Variants in SLC36A1 observed in about 807,000 individuals in gnomAD.
SLC36A1 encodes proton-coupled amino acid transporter 1.
In SLC36A1, 30 loss-of-function variants were observed where a neutral mutation model predicts 47.5. The ratio of observed to expected loss-of-function variants is 0.63; its 90% CI spans 0.47 to 0.86. The LOEUF is 0.86. SLC36A1 is among the 40% of genes least tolerant of loss of function. The pLI is 0.00. For synonymous variants in SLC36A1, 255 were observed against 249.7 expected (o/e 1.02, Z -0.20); for missense variants, 517 against 606.0 (o/e 0.85, Z 1.54).
At chr5:151,358,563 G>A in the SLC36A1 span, among the ~76,000 whole-genome samples, 12 of 152,144 alleles carry the variant, frequency 7.9e-5, no homozygotes, top group Non-Finnish European at 1.6e-4. Context: ...CTCATCTGGT[G>A]CTTGTTGTAC....
At chr5:151,498,464 A>G in the SLC36A1 span, among the ~76,000 whole-genome samples, 1 of 152,222 alleles carries the variant, frequency 6.6e-6, no homozygotes. Context: ...CCACTTTGCA[A>G]ACTAGGCATA....
chr5:151,508,565 C>G, the SLC36A1 span, among the ~76,000 whole-genome samples: 7 of 152,130 alleles, frequency 4.6e-5, no homozygotes, highest in Non-Finnish European at 1.0e-4. Flanking sequence ...CAAAAATTAG[C>G]CAGGTGTTAT....
the SLC36A1 span, among the ~76,000 whole-genome samples, chr5:151,542,037 G>T: frequency 6.6e-6 from 1 of 152,148 alleles, no homozygotes; most frequent in Non-Finnish European, 1.5e-5. Flanking sequence ...CATACTTTTT[G>T]CAAAGCACTT....
the SLC36A1 span, among the ~76,000 whole-genome samples, chr5:151,424,421 G>A: frequency 6.6e-6 from 1 of 152,168 alleles, no homozygotes; most frequent in Non-Finnish European, 1.5e-5. Flanking sequence ...TAAGAAGGTA[G>A]GAAGGGAAGA....
At chr5:151,368,601 AACCACCTTCTT>A in the SLC36A1 span, among the ~76,000 whole-genome samples, 1 of 152,134 alleles carries the variant, frequency 6.6e-6, no homozygotes, top group Non-Finnish European at 1.5e-5. Context: ...TTGTGTCCTG[AACCACCTTCTT>A]ACCCTAGCTG....
Position 151,488,327 on chromosome 5 carries a change from G to A in SLC36A1, c.*73G>A, listed in dbSNP as rs1332430781. The A allele has an allele frequency of 1.9e-6, 3 of 1,552,236 alleles. No individual in the cohort carries two copies. In the Admixed American group the frequency reaches 5.4e-5, roughly 28 times the overall value. Reference sequence around the variant, plus strand: ...CCCGTTACCTGTCCTCAGAGCCTCAGGTATGGTCCAGGCTCTGAGGAAAGT... The same window carrying A: ...CCCGTTACCTGTCCTCAGAGCCTCAAGTATGGTCCAGGCTCTGAGGAAAGT... On this transcript the variant is annotated 3_prime_UTR_variant, in exon 11 of 11. Coordinates refer to ENST00000243389, the MANE Select transcript of SLC36A1 (RefSeq NM_078483.4).
the SLC36A1 span, among the ~76,000 whole-genome samples, chr5:151,351,676 G>A: frequency 2.0e-5 from 3 of 152,088 alleles, no homozygotes; most frequent in Non-Finnish European, 2.9e-5. Context: ...TCATCATACT[G>A]TAACGAGAGC....
the SLC36A1 span, among the ~76,000 whole-genome samples, chr5:151,426,357 G>A: frequency 1.3e-5 from 2 of 152,110 alleles, no homozygotes; most frequent in Non-Finnish European, 2.9e-5. Flanking sequence ...TCCTATCTCG[G>A]TGAGGGGGAT....
the SLC36A1 span, chr5:151,545,373 G>T: frequency 8.1e-6 from 13 of 1,614,178 alleles, no homozygotes; most frequent in Non-Finnish European, 1.1e-5. Flanking sequence ...TGACAGGATG[G>T]ATGGTAACAG....
chr5:151,509,600 A>G, the SLC36A1 span: 2 of 181,538 alleles, frequency 1.1e-5, no homozygotes, highest in Non-Finnish European at 2.3e-5. Flanking sequence ...TATAAGGAGC[A>G]TATATCTAAT....
At chr5:151,465,616 G>C (rs1756235733) in intron 5 of SLC36A1, among the ~76,000 whole-genome samples, 1 of 152,128 alleles carries the variant, frequency 6.6e-6, no homozygotes, top group African/African-American at 2.4e-5. Flanking sequence ...AGAGAAGCCG[G>C]GGAACAAGAT....
chr5:151,519,204 C>T, the SLC36A1 span, among the ~76,000 whole-genome samples: 1 of 152,170 alleles, frequency 6.6e-6, no homozygotes, highest in Non-Finnish European at 1.5e-5. Flanking sequence ...ATTACCTGGG[C>T]ATGGTGGCAC....
At chr5:151,543,714 A>G in the SLC36A1 span, 775 of 1,614,182 alleles carry the variant, frequency 4.8e-4, 5 homozygotes, top group African/African-American at 9.5e-3. Context: ...TGGCATTTGT[A>G]GTGTTGATGT....
chr5:151,503,396 A>G, the SLC36A1 span, among the ~76,000 whole-genome samples: 1 of 148,286 alleles, frequency 6.7e-6, no homozygotes, highest in South Asian at 2.1e-4. Context: ...ATTCTCTTTG[A>G]AAAATGAGAG....
At chr5:151,400,222 A>G in the SLC36A1 span, among the ~76,000 whole-genome samples, 4 of 152,026 alleles carry the variant, frequency 2.6e-5, no homozygotes, top group Non-Finnish European at 4.4e-5. Flanking sequence ...TGAGTACCCA[A>G]TGTTTAGCTC....
chr5:151,411,263 T>A, the SLC36A1 span, among the ~76,000 whole-genome samples: 2 of 144,570 alleles, frequency 1.4e-5, no homozygotes, highest in African/African-American at 5.0e-5. Flanking sequence ...TACTCCCGAT[T>A]TATCTTATTT....
chr5:151,520,685 C>T, the SLC36A1 span, among the ~76,000 whole-genome samples: 2 of 152,172 alleles, frequency 1.3e-5, no homozygotes, highest in African/African-American at 4.8e-5. Context: ...AGATGGGAAA[C>T]TAAAAAGCTC....
the SLC36A1 span, among the ~76,000 whole-genome samples, chr5:151,522,742 C>G: frequency 6.6e-6 from 1 of 152,134 alleles, no homozygotes; most frequent in East Asian, 1.9e-4. Context: ...AGGCGACAGA[C>G]AGAGGGAGCA....
At chr5:151,507,154 C>T in the SLC36A1 span, 1 of 1,574,764 alleles carries the variant, frequency 6.4e-7, no homozygotes, top group Non-Finnish European at 8.6e-7. Flanking sequence ...CTATACTGAC[C>T]CATCTCCTCG....
Sources: allele counts gnomAD v4.1 joint callset (sites outside exome capture counted in the v4.1 genomes callset), GRCh38; gene constraint gnomAD v4.1.1; transcripts MANE v1.5; gene names NCBI Gene and HGNC (gene_info 2026-07-23, HGNC 2026-07-21).